WDR72: variants seen among roughly 807,000 people sequenced by gnomAD.
The protein encoded by WDR72 is WD repeat-containing protein 72.
WDR72 carries 120 observed loss-of-function variants against 124.2 expected under a neutral mutation model. The ratio of observed to expected loss-of-function variants is 0.97; its 90% CI spans 0.83 to 1.12. The LOEUF (loss-of-function observed/expected upper bound fraction) is 1.12. Among genes scored for constraint, WDR72 ranks in the 50% most tolerant of loss-of-function variants. The pLI, the probability that WDR72 is intolerant of heterozygous loss-of-function variation, is 0.00. For synonymous variants in WDR72, 452 were observed against 441.7 expected, an observed-to-expected ratio of 1.02 and a Z score of -0.29; for missense variants, 1,387 against 1,278.8, an observed-to-expected ratio of 1.08 and a Z score of -1.29.
At chr15:53,706,351 T>TATATATATATATACATAC (rs1555426202) in intron 9 of WDR72, among the ~76,000 whole-genome samples, 1 of 11,314 alleles carries the variant, frequency 8.8e-5, no homozygotes, top group African/African-American at 2.4e-4. Flanking sequence ...TGTGTGTGTG[T>TATATATATATATACATAC]ATATATATAT....
intron 13 of WDR72, among the ~76,000 whole-genome samples, chr15:53,683,042 G>A (rs1012475344): frequency 6.6e-6 from 1 of 152,108 alleles, no homozygotes; most frequent in Non-Finnish European, 1.5e-5. Context: ...AAGTGTAAAG[G>A]AGCAACTTCC....
At chr15:53,712,283 T>C (rs2017561850) in intron 7 of WDR72, among the ~76,000 whole-genome samples, 1 of 152,170 alleles carries the variant, frequency 6.6e-6, no homozygotes, top group Non-Finnish European at 1.5e-5. Flanking sequence ...TATCCTAATT[T>C]TATTAATTAG....
At chr15:53,757,733 G>A (rs2018948771) in intron 1 of WDR72, among the ~76,000 whole-genome samples, 1 of 152,116 alleles carries the variant, frequency 6.6e-6, no homozygotes, top group Non-Finnish European at 1.5e-5. Flanking sequence ...TTAAATAACA[G>A]AAATTTCGAG....
intron 15 of WDR72, 33 bp from the exon 16 acceptor site, chr15:53,613,790 A>G (rs1386764711): frequency 7.1e-7 from 1 of 1,400,342 alleles, no homozygotes; most frequent in Non-Finnish European, 1.0e-6. Context: ...CATATTACTA[A>G]AAAGCATGAA....
chr15:53,573,816 G>T (rs978129137), intron 18 of WDR72, among the ~76,000 whole-genome samples: 2 of 152,202 alleles, frequency 1.3e-5, no homozygotes, highest in Non-Finnish European at 2.9e-5. Flanking sequence ...AAAGTGCTGG[G>T]ATTACAGGCG....
intron 18 of WDR72, among the ~76,000 whole-genome samples, chr15:53,593,558 T>C (rs12439540): frequency 0.12 from 18,448 of 151,948 alleles, 1,612 homozygotes; most frequent in African/African-American, 0.24. Context: ...GCTCAGGAGT[T>C]TGAGACCAGC....
intron 18 of WDR72, chr15:53,541,053 G>A (rs866563505): frequency 7.5e-4 from 120 of 159,310 alleles, no homozygotes; most frequent in Middle Eastern, 3.0e-3. Context: ...CAAGGCGGCA[G>A]CCAGGCTGGG....
chr15:53,617,617 C>G (rs1595797123), intron 14 of WDR72, among the ~76,000 whole-genome samples: 1 of 151,574 alleles, frequency 6.6e-6, no homozygotes, highest in East Asian at 1.9e-4. Flanking sequence ...AGAAGAGGCT[C>G]TTACAGATGG....
At chr15:53,651,484 A>T (rs2140428050) in intron 14 of WDR72, among the ~76,000 whole-genome samples, 1 of 152,352 alleles carries the variant, frequency 6.6e-6, no homozygotes, top group South Asian at 2.1e-4. Context: ...ATGTTCAATG[A>T]ATACTTGCTG....
chr15:53,576,542 T>A (rs1229857195), intron 18 of WDR72, among the ~76,000 whole-genome samples: 1 of 152,144 alleles, frequency 6.6e-6, no homozygotes, highest in Non-Finnish European at 1.5e-5. Flanking sequence ...TATAGTGCCC[T>A]TTACTTATTA....
chr15:53,755,710 C>G (rs756306305), intron 1 of WDR72, among the ~76,000 whole-genome samples: 6 of 152,186 alleles, frequency 3.9e-5, no homozygotes, highest in Non-Finnish European at 7.3e-5. Context: ...CCTCCATTAC[C>G]GCAGAAAGAG....
chr15:53,587,930 T>A (rs191190902), intron 18 of WDR72, among the ~76,000 whole-genome samples: 111 of 152,082 alleles, frequency 7.3e-4, no homozygotes, highest in African/African-American at 2.6e-3. Context: ...TCTCAGGGGG[T>A]TGAAAATGAA....
intron 14 of WDR72, among the ~76,000 whole-genome samples, chr15:53,663,220 A>T (rs2015666704): frequency 1.3e-5 from 2 of 152,130 alleles, no homozygotes; most frequent in Admixed American, 1.3e-4. Context: ...GATATAACTT[A>T]GGAGAAGCAC....
At chr15:53,724,040 T>C (rs2017950516) in intron 2 of WDR72, among the ~76,000 whole-genome samples, 1 of 152,156 alleles carries the variant, frequency 6.6e-6, no homozygotes, top group Non-Finnish European at 1.5e-5. Context: ...GATATTACGC[T>C]AAATAAAATA....
At chr15:53,595,845 A>G (rs566350307) in intron 18 of WDR72, among the ~76,000 whole-genome samples, 152 of 152,312 alleles carry the variant, frequency 1.0e-3, no homozygotes, top group African/African-American at 3.5e-3. Context: ...CATTAAAGCT[A>G]ATTTTTGGAA....
At chr15:53,720,044 G>T (rs563720792) in intron 3 of WDR72, among the ~76,000 whole-genome samples, 1 of 151,810 alleles carries the variant, frequency 6.6e-6, no homozygotes, top group East Asian at 1.9e-4. Context: ...ATATGTAATT[G>T]GAATGACTAT....
intron 1 of WDR72, among the ~76,000 whole-genome samples, chr15:53,754,787 G>A (rs910651784): frequency 1.8e-4 from 28 of 152,258 alleles, no homozygotes; most frequent in African/African-American, 6.7e-4. Flanking sequence ...CCCAGCTGCT[G>A]ATTACATCAA....
intron 13 of WDR72, among the ~76,000 whole-genome samples, chr15:53,680,105 T>G (rs1361314329): frequency 6.6e-6 from 1 of 152,162 alleles, no homozygotes; most frequent in African/African-American, 2.4e-5. Context: ...AGGCCTATAC[T>G]CCAAATAACT....
At chr15:53,740,717 T>G (rs926205165) in intron 1 of WDR72, among the ~76,000 whole-genome samples, 2 of 152,256 alleles carry the variant, frequency 1.3e-5, no homozygotes, top group African/African-American at 4.8e-5. Flanking sequence ...TAAATATTGG[T>G]TGAATAAATT....
Sources: allele counts gnomAD v4.1 joint callset (sites outside exome capture counted in the v4.1 genomes callset), GRCh38; gene constraint gnomAD v4.1.1; transcripts MANE v1.5; gene names NCBI Gene and HGNC (gene_info 2026-07-23, HGNC 2026-07-21).